The following NEK11 variants were observed in gnomAD, a reference collection of about 807,000 sequenced individuals.
NEK11 encodes serine/threonine-protein kinase Nek11.
A neutral mutation model predicts 80.7 loss-of-function variants in NEK11; 72 were observed. The observed-to-expected ratio is 0.89, with a 90% CI of 0.74 to 1.08. NEK11 has a LOEUF of 1.08. Among genes scored for constraint, NEK11 ranks in the 50% least tolerant of loss-of-function variants. The pLI, the probability that NEK11 is intolerant of heterozygous loss-of-function variation, is 0.00. For synonymous variants in NEK11, 251 were observed against 260.7 expected (o/e 0.96, Z 0.36); for missense variants, 764 against 763.6 (o/e 1.00, Z -0.01).
At chr3:131,228,435 G>A in intron 14 of NEK11, 93 bp from the exon 15 acceptor site, 1 of 1,173,660 alleles carries the variant, frequency 8.5e-7, no homozygotes, top group Non-Finnish European at 1.2e-6. Flanking sequence ...GTCAACGCAA[G>A]CAAAATATAC....
chr3:131,283,644 G>T (rs2096432411), intron 17 of NEK11, among the ~76,000 whole-genome samples: 1 of 151,956 alleles, frequency 6.6e-6, no homozygotes, highest in South Asian at 2.1e-4. Flanking sequence ...CCCTTTAATG[G>T]AGAAACAGAT....
chr3:131,267,153 C>G (rs769674500), intron 16 of NEK11, among the ~76,000 whole-genome samples: 1 of 152,168 alleles, frequency 6.6e-6, no homozygotes, highest in Non-Finnish European at 1.5e-5. Context: ...ATTTGCTAGT[C>G]CATGTCTTTT....
At position 131,207,146 on chromosome 3, in the gene NEK11, T is replaced by C. The variant is rs1421360302; in HGVS notation, c.1400-21382T>C. On this transcript the variant is annotated intron_variant, in intron 14 of 17. Transcript: ENST00000383366. Reference sequence around the variant, plus strand: ...AAACATATGCGCACATGTGTCTTAATAGTAGCACGATTTATAATCCTTTGA... The same window carrying C: ...AAACATATGCGCACATGTGTCTTAACAGTAGCACGATTTATAATCCTTTGA... 2.0e-5 allele frequency among the ~76,000 whole-genome samples: 3 copies of C among 152,368 alleles called. No homozygotes were observed. In the East Asian group the frequency reaches 5.8e-4, roughly 29 times the overall value.
chr3:131,154,778 C>A lies in NEK11; in HGVS notation c.877-258C>A, dbSNP rs2090359946. 5 of 388,270 alleles carry A rather than the reference C, an allele frequency of 1.3e-5. No homozygotes were observed. The Admixed American group carries it at 1.9e-4, about 15-fold the overall frequency. The allele number at this position is 388,270 out of a possible 1,614,324, so 24.1% of individuals were successfully genotyped here. On this transcript the variant is annotated intron_variant, in intron 9 of 17. Coordinates refer to ENST00000383366, the MANE Select transcript of NEK11 (RefSeq NM_024800.5). ...TCTTGTAGCTGAAAGTAGGCCTGCC[C>A]ATGATTGGCAAAAGGGAGTGAGAGA...
intron 3 of NEK11, among the ~76,000 whole-genome samples, chr3:131,065,703 C>T (rs947666357): frequency 3.3e-5 from 5 of 152,078 alleles, no homozygotes; most frequent in Non-Finnish European, 5.9e-5. Context: ...ATTTGATTTT[C>T]CTGACTCTAA....
chr3:131,204,469 C>G (rs759661364), intron 14 of NEK11, among the ~76,000 whole-genome samples: 1 of 152,086 alleles, frequency 6.6e-6, no homozygotes, highest in South Asian at 2.1e-4. Context: ...AGCTCTCAAC[C>G]TGTGAGATCT....
chr3:131,281,961 C>T (rs2108824572), intron 17 of NEK11, among the ~76,000 whole-genome samples: 1 of 152,222 alleles, frequency 6.6e-6, no homozygotes, highest in South Asian at 2.1e-4. Context: ...ACAAAATGTC[C>T]CCACATCTAA....
At chr3:131,109,229 G>A (rs2079677047) in intron 4 of NEK11, among the ~76,000 whole-genome samples, 1 of 152,054 alleles carries the variant, frequency 6.6e-6, no homozygotes, top group Non-Finnish European at 1.5e-5. Flanking sequence ...AAAGAGCTAA[G>A]CTCCATTCTA....
intron 14 of NEK11, among the ~76,000 whole-genome samples, chr3:131,191,402 T>G (rs185481089): frequency 3.9e-5 from 6 of 152,238 alleles, no homozygotes; most frequent in Admixed American, 2.0e-4. Flanking sequence ...TTTCTCTATT[T>G]TCAAAGCTAG....
At chr3:131,158,533 C>T (rs560328371) in intron 10 of NEK11, among the ~76,000 whole-genome samples, 5 of 152,252 alleles carry the variant, frequency 3.3e-5, no homozygotes, top group African/African-American at 9.6e-5. Context: ...CAGAGAACAG[C>T]GGACCCTTCC....
chr3:131,154,441 C>T (rs1296086716), intron 9 of NEK11, among the ~76,000 whole-genome samples: 2 of 152,050 alleles, frequency 1.3e-5, no homozygotes, highest in Non-Finnish European at 2.9e-5. Flanking sequence ...TCCCAGGTAA[C>T]AAGATATTAA....
chr3:131,054,431 G>A (rs2068980961), intron 3 of NEK11: 1 of 152,202 alleles, frequency 6.6e-6, no homozygotes, highest in East Asian at 1.9e-4. Flanking sequence ...GAACTGCAGG[G>A]AGTGGAGGTT....
chr3:131,239,535 C>T (rs1025198501), intron 15 of NEK11, among the ~76,000 whole-genome samples: 10 of 152,160 alleles, frequency 6.6e-5, no homozygotes, highest in Non-Finnish European at 1.3e-4. Context: ...ACTTCTGTAG[C>T]TCTGAACCCA....
At chr3:131,187,926 A>G (rs2093658136) in intron 14 of NEK11, among the ~76,000 whole-genome samples, 7 of 152,190 alleles carry the variant, frequency 4.6e-5, no homozygotes, top group Admixed American at 4.6e-4. Flanking sequence ...AAGTGTTCAA[A>G]CCAGCTGATT....
chr3:131,350,096 C>T lies in NEK11; in HGVS notation c.*320C>T. On this transcript the variant is annotated 3_prime_UTR_variant, in exon 18 of 18. Transcript: ENST00000383366. ...CACCCTGACGATGACCGGGGAGAAG[C>T]CGTGTGCTCTTCATTATTTTCAGCT... 3.6e-6 allele frequency: 1 copy of T among 276,760 alleles called. No homozygotes were observed. Among genetic ancestry groups the T allele is most frequent in the East Asian group, 9.4e-5 (1 of 10,608 alleles). 17.1% of individuals were successfully genotyped at this position (276,760 alleles called of 1,614,324 possible).
At chr3:131,145,262 C>T (rs2087912211) in intron 7 of NEK11, among the ~76,000 whole-genome samples, 1 of 152,148 alleles carries the variant, frequency 6.6e-6, no homozygotes, top group Non-Finnish European at 1.5e-5. Flanking sequence ...ACCATAGCCT[C>T]CCAAGTCACT....
chr3:131,197,245 G>A lies in NEK11; in HGVS notation c.1399+26358G>A, dbSNP rs529710348. ...CCAAGTGCTGTTGGGGAGGATGGCC[G>A]ATGACTGCTCTAACTGCTTCCTGCT... is the stretch of plus-strand genomic sequence containing the variant. On this transcript the variant is annotated intron_variant, in intron 14 of 17. Coordinates refer to ENST00000383366, the MANE Select transcript of NEK11 (RefSeq NM_024800.5). 5.3e-5 allele frequency among the ~76,000 whole-genome samples: 8 copies of A among 152,238 alleles called. No homozygotes were observed. In the South Asian group the frequency reaches 6.2e-4, roughly 12 times the overall value.
intron 17 of NEK11, among the ~76,000 whole-genome samples, chr3:131,314,113 T>C (rs1489755340): frequency 4.2e-5 from 6 of 143,280 alleles, no homozygotes; most frequent in Middle Eastern, 3.5e-3. Flanking sequence ...TCTTCCAATT[T>C]ATCCATGGAG....
At chr3:131,190,010 A>G (rs948608658) in intron 14 of NEK11, among the ~76,000 whole-genome samples, 3 of 152,178 alleles carry the variant, frequency 2.0e-5, no homozygotes, top group African/African-American at 7.2e-5. Context: ...TATCTCTACT[A>G]TTTTTAATCA....
Sources: gnomAD v4.1 joint callset for allele counts (sites outside exome capture counted in the v4.1 genomes callset) on GRCh38, gnomAD v4.1.1 for gene constraint, MANE v1.5 for transcripts, NCBI Gene and HGNC (gene_info 2026-07-23, HGNC 2026-07-21) for gene names.